GRAMD1B: variants seen among roughly 807,000 people sequenced by gnomAD.
GRAMD1B encodes the protein protein Aster-B.
In GRAMD1B, 37 loss-of-function variants were observed where a neutral mutation model predicts 99.7. That is an observed-to-expected ratio of 0.37 (90% CI 0.29 to 0.49). GRAMD1B has a LOEUF of 0.49. GRAMD1B is among the 20% of genes least tolerant of loss of function. The pLI, the probability that GRAMD1B is intolerant of heterozygous loss-of-function variation, is 0.98. For missense variants in GRAMD1B, 888 were observed against 1,009.2 expected (o/e 0.88, Z 1.63); for synonymous variants, 427 against 387.6 (o/e 1.10, Z -1.19).
chr11:123,554,033 A>G (rs1000252319), intron 2 of GRAMD1B, among the ~76,000 whole-genome samples: 1 of 151,700 alleles, frequency 6.6e-6, no homozygotes. Flanking sequence ...ACCCTCTTTC[A>G]CTCTCAGGGC....
intron 2 of GRAMD1B, among the ~76,000 whole-genome samples, chr11:123,535,227 T>C (rs1943838261): frequency 7.2e-6 from 1 of 139,736 alleles, no homozygotes; most frequent in Non-Finnish European, 1.6e-5. Flanking sequence ...GATGCTTCTG[T>C]GAGCTTTCCA....
rs575958318 is a variant in GRAMD1B, at chr11:123,624,829, G to A, written c.*2234G>A. On this transcript the variant is annotated 3_prime_UTR_variant, in exon 20 of 20. Coordinates refer to ENST00000635736, the MANE Select transcript of GRAMD1B (RefSeq NM_001387025.1). ...ACTTAAAAAGGGTTCTTTGTTGGGA[G>A]TCAAGTGACAGAGCAGACCTGGCCG... 1.4e-4 allele frequency: 22 copies of A among 152,326 alleles called. No homozygotes were observed. Among genetic ancestry groups the A allele is most frequent in the African/African-American group, 5.1e-4 (21 of 41,564 alleles). 9.4% of individuals were successfully genotyped at this position (152,326 alleles called of 1,614,324 possible).
At chr11:123,622,362 C>A in intron 19 of GRAMD1B, 144 bp from the exon 20 acceptor site, 1 of 615,868 alleles carries the variant, frequency 1.6e-6, no homozygotes. Flanking sequence ...TTGAGAACCA[C>A]CCTTGCTTTA....
chr11:123,602,420 G>C (rs1474946110), intron 8 of GRAMD1B, among the ~76,000 whole-genome samples: 1 of 151,876 alleles, frequency 6.6e-6, no homozygotes, highest in South Asian at 2.1e-4. Context: ...TGTGCACAAC[G>C]TGCAGGTTAG....
intron 13 of GRAMD1B, 75 bp downstream of exon 13, chr11:123,609,988 T>C: frequency 1.0e-6 from 1 of 956,448 alleles, no homozygotes; most frequent in Admixed American, 2.1e-5. Flanking sequence ...TAAGGGCAGA[T>C]GTCAGGAAGA....
intron 1 of GRAMD1B, among the ~76,000 whole-genome samples, chr11:123,375,337 T>C (rs150213265): frequency 6.6e-6 from 1 of 152,242 alleles, no homozygotes; most frequent in East Asian, 1.9e-4. Context: ...GGCAGAAGGA[T>C]GCCTTGAGGC....
At chr11:123,469,581 G>A (rs979987016) in intron 1 of GRAMD1B, among the ~76,000 whole-genome samples, 2 of 152,200 alleles carry the variant, frequency 1.3e-5, no homozygotes, top group African/African-American at 4.8e-5. Flanking sequence ...GGTGAATTCA[G>A]TGGTGGGAAT....
chr11:123,606,171 G>A (rs1317965154), intron 10 of GRAMD1B, among the ~76,000 whole-genome samples: 1 of 152,242 alleles, frequency 6.6e-6, no homozygotes, highest in East Asian at 1.9e-4. Context: ...CATCTCTGAG[G>A]TTATCTTTAA....
intron 1 of GRAMD1B, among the ~76,000 whole-genome samples, chr11:123,396,180 T>TTTTTC (rs1217570643): frequency 2.0e-5 from 3 of 151,380 alleles, no homozygotes; most frequent in East Asian, 1.9e-4. Context: ...ATTTTTTTCT[T>TTTTTC]TTTTCTTTTC....
At chr11:123,426,554 A>T (rs1198270478), upstream of GRAMD1B, among the ~76,000 whole-genome samples, 1 of 150,550 alleles carries the variant, frequency 6.6e-6, no homozygotes, top group Non-Finnish European at 1.5e-5. Flanking sequence ...TTCTATGCTC[A>T]CTGCCTGCTT....
At chr11:123,453,332 A>AT (rs1290683148) in intron 1 of GRAMD1B, among the ~76,000 whole-genome samples, 2 of 151,904 alleles carry the variant, frequency 1.3e-5, no homozygotes, top group Non-Finnish European at 1.5e-5. Context: ...ATATCTTTTT[A>AT]TTTTAAGACA....
Position 123,365,312 on chromosome 11 carries a change from C to T in GRAMD1B, c.-176+6513C>T, listed in dbSNP as rs572528337. On this transcript the variant is annotated intron_variant, in intron 1 of 20. Coordinates refer to the GRAMD1B transcript ENST00000638157. ...CGTTGCCCAGGCTGGAGTGCAGTGG[C>T]GCAATCTCAGCTCACTGCAATTTCT... 4.0e-5 allele frequency among the ~76,000 whole-genome samples: 6 copies of T among 151,696 alleles called. No individual in the cohort carries two copies. In the South Asian group the frequency reaches 1.2e-3, roughly 32 times the overall value.
chr11:123,507,226 C>A (rs541804444), intron 2 of GRAMD1B, among the ~76,000 whole-genome samples: 3 of 152,340 alleles, frequency 2.0e-5, no homozygotes, highest in Non-Finnish European at 2.9e-5. Flanking sequence ...AGAAACATTA[C>A]AGGCCTCTGA....
intron 2 of GRAMD1B, among the ~76,000 whole-genome samples, chr11:123,539,426 A>AC (rs1944291607): frequency 7.8e-6 from 1 of 128,872 alleles, no homozygotes; most frequent in African/African-American, 2.7e-5. Context: ...ACATAGTGAG[A>AC]CCCCATGTCC....
chr11:123,554,785 C>G, intron 2 of GRAMD1B, among the ~76,000 whole-genome samples: 1 of 152,242 alleles, frequency 6.6e-6, no homozygotes, highest in African/African-American at 2.4e-5. Flanking sequence ...ATAACAGATG[C>G]CTCTTGTTAT....
chr11:123,499,513 G>A (rs1364064282), intron 2 of GRAMD1B, among the ~76,000 whole-genome samples: 1 of 152,186 alleles, frequency 6.6e-6, no homozygotes, highest in African/African-American at 2.4e-5. Context: ...GGGTGGAGGG[G>A]TACGTAATTA....
In GRAMD1B at chr11:123,361,325, C is replaced by T. The variant is rs114340250; in HGVS notation, c.-176+2526C>T. ...CCAGAGGTGTTTCCACTGTGCTGCTCCAACTGTCGGCTGCTTTTGCACAGG... is the reference window on the plus strand; with the variant it reads ...CCAGAGGTGTTTCCACTGTGCTGCTTCAACTGTCGGCTGCTTTTGCACAGG... On this transcript the variant is annotated intron_variant, in intron 1 of 20. Transcript: ENST00000638157. Among the ~76,000 whole-genome samples the T allele has an allele frequency of 4.8e-3, 730 of 152,308 alleles. 2 individuals carry two copies. Among genetic ancestry groups the T allele is most frequent in the African/African-American group, 0.017 (691 of 41,554 alleles).
intron 1 of GRAMD1B, among the ~76,000 whole-genome samples, chr11:123,476,550 C>T (rs74756397): frequency 0.015 from 2,241 of 152,290 alleles, 61 homozygotes; most frequent in African/African-American, 0.05. Flanking sequence ...CCCTCCAGCT[C>T]GATGTTCACC....
intron 2 of GRAMD1B, among the ~76,000 whole-genome samples, chr11:123,566,735 T>C (rs1254738191): frequency 6.6e-6 from 1 of 151,052 alleles, no homozygotes; most frequent in African/African-American, 2.4e-5. Flanking sequence ...CACTGCACTC[T>C]AGCCTGGGAG....
Sources: allele counts gnomAD v4.1 joint callset (sites outside exome capture counted in the v4.1 genomes callset), GRCh38; gene constraint gnomAD v4.1.1; transcripts MANE v1.5; gene names NCBI Gene and HGNC (gene_info 2026-07-23, HGNC 2026-07-21).